Variants in TMEM64 observed in about 807,000 individuals in gnomAD.
TMEM64 encodes transmembrane protein 64.
Under a neutral mutation model 24.5 loss-of-function variants are expected in TMEM64, and 19 were observed. The ratio of observed to expected loss-of-function variants is 0.78; its 90% CI spans 0.54 to 1.14. The LOEUF is 1.14. Among genes scored for constraint, TMEM64 ranks in the 50% most tolerant of loss-of-function variants. The probability of loss-of-function intolerance (pLI) is 0.00; values close to 1 mark genes in which losing one functional copy is unlikely to be tolerated. For missense variants in TMEM64, 487 were observed against 493.0 expected (o/e 0.99, Z 0.12); for synonymous variants, 262 against 224.7 (o/e 1.17, Z -1.49).
chr8:90,624,357 C>A lies in TMEM64; in HGVS notation c.*1314G>T, dbSNP rs1236840031. Reference sequence around the variant, plus strand: ...AATCATCATAGCAAAAAAAGAGATACCTACCAGAAAATTTGCATTAATATC... The same window carrying A: ...AATCATCATAGCAAAAAAAGAGATAACTACCAGAAAATTTGCATTAATATC... On this transcript the variant is annotated 3_prime_UTR_variant, in exon 3 of 3. Coordinates refer to ENST00000458549, the MANE Select transcript of TMEM64 (RefSeq NM_001008495.4). 2.0e-5 allele frequency: 3 copies of A among 151,662 alleles called. No individual in the cohort carries two copies. 9.4% of individuals were successfully genotyped at this position (151,662 alleles called of 1,614,324 possible).
chr8:90,625,842 G>T lies in TMEM64; in HGVS notation c.972C>A (p.Leu324=), dbSNP rs1186078563. 6.2e-6 allele frequency: 10 copies of T among 1,611,356 alleles called. No homozygotes were observed. The highest frequency in any genetic ancestry group is 5.9e-6 in the Non-Finnish European group (7 of 1,177,996). Residue 324 remains leucine, a synonymous_variant, in exon 3 of 3, where the codon CTC becomes CTA. Transcript: ENST00000458549. ...GAGCTCGATGAACTACATAAAACATGAGGCCTATACTTATAATAATCTGTG... is the reference window on the plus strand; with the variant it reads ...GAGCTCGATGAACTACATAAAACATTAGGCCTATACTTATAATAATCTGTG... ...FCLQIIISIG[L]MFYVVHRAQV...
rs1809692138 is a variant in TMEM64 at position 90,645,802 on chromosome 8, C to T, written c.104G>A (p.Arg35Gln). 2.9e-6 allele frequency: 3 copies of T among 1,027,124 alleles called. No individual in the cohort carries two copies. Among genetic ancestry groups the T allele is most frequent in the Non-Finnish European group, 3.5e-6 (3 of 859,146 alleles). The allele number at this position is 1,027,124 out of a possible 1,614,324, so 63.6% of individuals were successfully genotyped here. A position where few individuals can be genotyped will look rare whatever the true frequency, so the allele number is the denominator to read the frequency against. ...AELPARWALP[R>Q]GAGGDGPADR... ...CGCCGGGCCGTCCCCGCCCGCACCC[C>T]GCGGCAGGGCCCAGCGGGCCGGCAG... The change falls in exon 1 of 3, where the codon CGG becomes CAG. Residue 35 changes from arginine to glutamine, a missense_variant. Arg to Gln is a conservative substitution (Grantham distance 43). Transcript: ENST00000458549. The surrounding 1 kb of genome is among the most constrained non-coding windows in gnomAD (Gnocchi z 4.2).
At chr8:90,640,292 T>G in intron 1 of TMEM64, among the ~76,000 whole-genome samples, 1 of 152,210 alleles carries the variant, frequency 6.6e-6, no homozygotes, top group Non-Finnish European at 1.5e-5. Flanking sequence ...TATCTTTTTT[T>G]GAATCTATGG....
chr8:90,635,836 T>C (rs558585551), intron 1 of TMEM64, among the ~76,000 whole-genome samples: 4 of 152,292 alleles, frequency 2.6e-5, no homozygotes, highest in African/African-American at 7.2e-5. Flanking sequence ...AATATCTCAG[T>C]TCAAAAATTT....
intron 1 of TMEM64, among the ~76,000 whole-genome samples, chr8:90,636,677 A>G (rs1199137871): frequency 6.6e-6 from 1 of 152,200 alleles, no homozygotes; most frequent in Non-Finnish European, 1.5e-5. Flanking sequence ...TTCTCTCCCC[A>G]GTAAGTCTTC....
chr8:90,626,625 C>CTTTTTTT (rs1223612676), intron 2 of TMEM64, among the ~76,000 whole-genome samples: 1 of 112,534 alleles, frequency 8.9e-6, no homozygotes, highest in African/African-American at 4.4e-5. Flanking sequence ...CTTTTTTTTT[C>CTTTTTTT]TTTCTTTTTT....
rs1257012516 is a variant in TMEM64, at chr8:90,623,678, C to T, written c.*1993G>A. ...AATTAGAAGAACTCATTACAAACTA[C>T]CAAAATGTATTCATTTGGTGAAATT... On this transcript the variant is annotated 3_prime_UTR_variant, in exon 3 of 3. Coordinates refer to ENST00000458549, the MANE Select transcript of TMEM64 (RefSeq NM_001008495.4). The T allele has an allele frequency of 6.6e-6, 1 of 152,312 alleles. No individual in the cohort carries two copies. Among genetic ancestry groups the T allele is most frequent in the Non-Finnish European group, 1.5e-5 (1 of 67,920 alleles). The allele number at this position is 152,312 out of a possible 1,614,324, so 9.4% of individuals were successfully genotyped here.
chr8:90,632,673 G>A (rs562116836), intron 1 of TMEM64, among the ~76,000 whole-genome samples: 2 of 152,250 alleles, frequency 1.3e-5, no homozygotes, highest in South Asian at 4.1e-4. Flanking sequence ...TGCCCAGGTT[G>A]CTCTTGAATT....
In TMEM64 at chr8:90,646,052, G is replaced by C; in HGVS notation, c.-147C>G. On this transcript the variant is annotated 5_prime_UTR_variant, in exon 1 of 3. Coordinates refer to ENST00000458549, the MANE Select transcript of TMEM64 (RefSeq NM_001008495.4). The stretch of plus-strand genomic sequence containing the variant: ...GAGACGGCCCGTAGAAGGGCGCGGA[G>C]TCAGCGGAGGAGCGACGGCCAGGCG... 1 of 279,518 alleles carries C rather than the reference G, an allele frequency of 3.6e-6. No homozygotes were observed. Among genetic ancestry groups the C allele is most frequent in the South Asian group, 1.5e-4 (1 of 6,752 alleles). The allele number at this position is 279,518 out of a possible 1,614,324, so 17.3% of individuals were successfully genotyped here.
intron 2 of TMEM64, among the ~76,000 whole-genome samples, chr8:90,628,089 C>T (rs913761431): frequency 1.3e-5 from 2 of 152,148 alleles, no homozygotes; most frequent in Non-Finnish European, 1.5e-5. Flanking sequence ...ACACACCTTC[C>T]CCATCTTCCT....
At chr8:90,635,776 T>C (rs1000627408) in intron 1 of TMEM64, among the ~76,000 whole-genome samples, 6 of 152,188 alleles carry the variant, frequency 3.9e-5, no homozygotes, top group Non-Finnish European at 7.4e-5. Flanking sequence ...TAAAATTATA[T>C]TGCAGTTAAT....
chr8:90,639,415 A>C (rs555048214), intron 1 of TMEM64, among the ~76,000 whole-genome samples: 6 of 152,202 alleles, frequency 3.9e-5, no homozygotes, highest in Non-Finnish European at 8.8e-5. Context: ...ATCTTCTCTC[A>C]AGGGGGGAAA....
At chr8:90,633,555 G>C (rs1035241975) in intron 1 of TMEM64, among the ~76,000 whole-genome samples, 3 of 152,186 alleles carry the variant, frequency 2.0e-5, no homozygotes, top group African/African-American at 7.2e-5. Flanking sequence ...ACTCTGGTAG[G>C]ATAGATCACT....
intron 2 of TMEM64, among the ~76,000 whole-genome samples, chr8:90,626,726 G>A (rs920315485): frequency 4.7e-5 from 7 of 150,472 alleles, no homozygotes; most frequent in Non-Finnish European, 1.0e-4. Context: ...TGCCTCCCGG[G>A]TTCAAGTGAT....
At position 90,622,505 on chromosome 8, in the gene TMEM64, T is replaced by C. The variant is rs1436185138; in HGVS notation, c.*3166A>G. On this transcript the variant is annotated 3_prime_UTR_variant, in exon 3 of 3. Coordinates refer to ENST00000458549, the MANE Select transcript of TMEM64 (RefSeq NM_001008495.4). ...AAATGCTGCTTGGCTGTGAACAGCA[T>C]GGATTTACCTGCACCAATGTGGCAC... 2 of 152,202 alleles carry C rather than the reference T, an allele frequency of 1.3e-5. No individual in the cohort carries two copies. The highest frequency in any genetic ancestry group is 4.8e-5 in the African/African-American group (2 of 41,458). 9.4% of individuals were successfully genotyped at this position (152,202 alleles called of 1,614,324 possible). A position where few individuals can be genotyped will look rare whatever the true frequency, so the allele number is the denominator to read the frequency against.
chr8:90,644,008 A>C (rs1374608534), intron 1 of TMEM64, among the ~76,000 whole-genome samples: 1 of 152,240 alleles, frequency 6.6e-6, no homozygotes, highest in Non-Finnish European at 1.5e-5. Flanking sequence ...ACAAAATGAG[A>C]AAGTTTCCAG....
At chr8:90,637,602 GAAAAAATCATGAATCCCTATAGA>G (rs1338540641) in intron 1 of TMEM64, among the ~76,000 whole-genome samples, 1 of 151,766 alleles carries the variant, frequency 6.6e-6, no homozygotes, top group African/African-American at 2.4e-5. Context: ...TATTATATAT[GAAAAAATCATGAATCCCTATAGA>G]AAAAAATCAT....
At chr8:90,631,421 T>C in intron 2 of TMEM64, 131 bp downstream of exon 2, 1 of 737,494 alleles carries the variant, frequency 1.4e-6, no homozygotes, top group Non-Finnish European at 2.0e-6. Flanking sequence ...GTAGTAGTAA[T>C]GAAAGAACCA....
At chr8:90,641,691 TA>T (rs1231938950) in intron 1 of TMEM64, among the ~76,000 whole-genome samples, 1 of 152,208 alleles carries the variant, frequency 6.6e-6, no homozygotes, top group African/African-American at 2.4e-5. Flanking sequence ...GCTTCAGCTA[TA>T]AGATGAGGAT....
Sources: gnomAD v4.1 joint callset for allele counts (sites outside exome capture counted in the v4.1 genomes callset) on GRCh38, gnomAD v4.1.1 for gene constraint, Gnocchi (gnomAD v3.1) non-coding constraint, MANE v1.5 for transcripts, NCBI Gene and HGNC (gene_info 2026-07-23, HGNC 2026-07-21) for gene names.